Variants in ANO7 observed in about 807,000 individuals in gnomAD.
ANO7 encodes the protein anoctamin-7.
ANO7 carries 114 observed loss-of-function variants against 115.8 expected under a neutral mutation model. The observed-to-expected ratio is 0.98, with a 90% confidence interval of 0.85 to 1.15. The LOEUF is 1.15. Ranked by LOEUF, ANO7 falls within the 50% of genes most tolerant of loss-of-function variation. ANO7 has a pLI of 0.00. For missense variants in ANO7, 1,302 were observed against 1,201.2 expected (o/e 1.08, Z -1.24); for synonymous variants, 550 against 498.2 (o/e 1.10, Z -1.38).
chr2:241,218,440 C>CTCGGG, intron 21 of ANO7, 59 bp downstream of exon 21: 1 of 1,203,920 alleles, frequency 8.3e-7, no homozygotes, highest in Non-Finnish European at 1.0e-6. Flanking sequence ...CGGAGCGGGG[C>CTCGGG]TCGGGTGGGG....
chr2:241,229,420 G>A (rs888967568), downstream of ANO7: 16 of 559,388 alleles, frequency 2.9e-5, no homozygotes, highest in South Asian at 8.0e-5. Context: ...GAGCGGGCAC[G>A]GCCAGGCCTG....
At chr2:241,230,114 C>T, downstream of ANO7, 1 of 1,592,770 alleles carries the variant, frequency 6.3e-7, no homozygotes, top group Non-Finnish European at 8.6e-7. The surrounding 1 kb of genome is among the most constrained non-coding windows in gnomAD (Gnocchi z 5.0). Flanking sequence ...GGTGGACGTG[C>T]CAGGGCGCCT....
chr2:241,188,718 A>G lies in ANO7; in HGVS notation c.-56A>G. The G allele has an allele frequency of 6.2e-7, 1 of 1,613,338 alleles. No homozygotes were observed. The highest frequency in any genetic ancestry group is 8.5e-7 in the Non-Finnish European group (1 of 1,179,830). Reference sequence around the variant, plus strand: ...TACTGCCGAGACCAGGCTCACGCTGAGAGGTGGGCCATGACCTCCGAGACC... The same window carrying G: ...TACTGCCGAGACCAGGCTCACGCTGGGAGGTGGGCCATGACCTCCGAGACC... On this transcript the variant is annotated 5_prime_UTR_variant, in exon 1 of 25. Transcript: ENST00000674324. The surrounding 1 kb of genome is among the most constrained non-coding windows in gnomAD (Gnocchi z 4.3).
Position 241,223,952 on chromosome 2 carries a change from A to C in ANO7, c.2580A>C (p.Ser860=), listed in dbSNP as rs1469111189. 6.4e-7 allele frequency: 1 copy of C among 1,562,440 alleles called. No individual in the cohort carries two copies. The highest frequency in any genetic ancestry group is 8.5e-7 in the Non-Finnish European group (1 of 1,177,280). The change falls in exon 24 of 25, where the codon TCA becomes TCC. Residue 860 remains serine, a synonymous_variant. Transcript: ENST00000674324. ...NGTKDEQPEG[S]ELSSHWTPFT... Reference sequence around the variant, plus strand: ...CAAAGGATGAGCAGCCCGAGGGCTCAGAGGCAAGTCTGGGAGCAGCCAGGC... The same window carrying C: ...CAAAGGATGAGCAGCCCGAGGGCTCCGAGGCAAGTCTGGGAGCAGCCAGGC...
Position 241,188,852 on chromosome 2 carries a change from G to C in ANO7, c.-8+86G>C. 1 of 1,515,064 alleles carries C rather than the reference G, an allele frequency of 6.6e-7. No individual in the cohort carries two copies. The highest frequency in any genetic ancestry group is 8.9e-7 in the Non-Finnish European group (1 of 1,126,436). The allele number at this position is 1,515,064 out of a possible 1,614,324, so 93.9% of individuals were successfully genotyped here. A position where few individuals can be genotyped will look rare whatever the true frequency, so the allele number is the denominator to read the frequency against. ...AGGCAGGGCGGCACCCCAGCCCACCGGGACTTTCACACACCCTGGCCTGTG... is the reference window on the plus strand; with the variant it reads ...AGGCAGGGCGGCACCCCAGCCCACCCGGACTTTCACACACCCTGGCCTGTG... On this transcript the variant is annotated intron_variant, in intron 1 of 24. Transcript: ENST00000674324. This position sits in a 1 kb window ranked among gnomAD's most constrained non-coding sequence, Gnocchi z 4.3.
Position 241,210,456 on chromosome 2 carries a change from G to A in ANO7, c.1459-12G>A. ...GCCCCTCATCCGGCTCTGACGGCCT[G>A]TCTCCCGTTAGGCCTCTCGCATCGC... is the stretch of plus-strand genomic sequence containing the variant. On this transcript the variant is annotated splice_polypyrimidine_tract_variant and intron_variant, in intron 14 of 24. Transcript: ENST00000674324. 1 of 1,613,832 alleles carries A rather than the reference G, an allele frequency of 6.2e-7. No homozygotes were observed.
chr2:241,207,709 C>T (rs375039467), intron 11 of ANO7, 39 bp downstream of exon 11: 14 of 1,588,862 alleles, frequency 8.8e-6, no homozygotes, highest in East Asian at 4.5e-5. Context: ...ATTTGAGAGT[C>T]GGGGATGAGG....
chr2:241,240,197 T>C, the ANO7 span: 3 of 1,427,708 alleles, frequency 2.1e-6, no homozygotes, highest in South Asian at 2.3e-5. The surrounding 1 kb of genome is among the most constrained non-coding windows in gnomAD (Gnocchi z 5.5). Flanking sequence ...AGAGGGTCTG[T>C]AGGACAGCAA....
In ANO7 at chr2:241,203,524, A is replaced by G. The variant is rs567067900; in HGVS notation, c.889+26A>G. ...GTGAGTCCCCCCCGCTGCCCCCCAG[A>G]CCACCTGGGCCCCCCCAGCTTGGTG... On this transcript the variant is annotated intron_variant, in intron 9 of 24. Transcript: ENST00000674324. The surrounding 1 kb of genome is among the most constrained non-coding windows in gnomAD (Gnocchi z 4.8). The G allele has an allele frequency of 7.0e-7, 1 of 1,422,114 alleles. No individual in the cohort carries two copies. Among genetic ancestry groups the G allele is most frequent in the Non-Finnish European group, 9.3e-7 (1 of 1,079,324 alleles). The allele number at this position is 1,422,114 out of a possible 1,614,324, so 88.1% of individuals were successfully genotyped here.
the ANO7 span, among the ~76,000 whole-genome samples, chr2:241,239,076 C>T: frequency 6.6e-6 from 1 of 152,084 alleles, no homozygotes; most frequent in Admixed American, 6.5e-5. This position sits in a 1 kb window ranked among gnomAD's most constrained non-coding sequence, Gnocchi z 4.6. Context: ...CCTCTGACTC[C>T]ATGAGGAGGC....
At chr2:241,209,176 G>A (rs893713768) in intron 11 of ANO7, 109 bp from the exon 12 acceptor site, 20 of 1,281,796 alleles carry the variant, frequency 1.6e-5, no homozygotes, top group East Asian at 1.0e-4. Flanking sequence ...ATACACAGTC[G>A]GGGGATGTGT....
chr2:241,231,961 G>A, the ANO7 span, among the ~76,000 whole-genome samples: 5 of 151,972 alleles, frequency 3.3e-5, no homozygotes, highest in African/African-American at 4.8e-5. Context: ...CCATCATCAC[G>A]CAACAGGACT....
chr2:241,195,977 C>T (rs367754585), intron 4 of ANO7, 132 bp downstream of exon 4: 13 of 1,557,918 alleles, frequency 8.3e-6, no homozygotes, highest in Non-Finnish European at 1.1e-5. Context: ...TCCTGCTGGA[C>T]CCCCCAGCCA....
chr2:241,235,007 T>C, the ANO7 span: 1 of 1,324,702 alleles, frequency 7.5e-7, no homozygotes, highest in Admixed American at 2.0e-5. Flanking sequence ...GCATCTCACC[T>C]CCAGCCAGAT....
the ANO7 span, chr2:241,235,022 C>G: frequency 6.3e-4 from 908 of 1,440,860 alleles, 5 homozygotes; most frequent in African/African-American, 0.011. Context: ...CCAGATGTCG[C>G]TGGGATGCTG....
intron 4 of ANO7, among the ~76,000 whole-genome samples, chr2:241,198,185 C>T (rs957716109): frequency 1.3e-5 from 2 of 152,192 alleles, no homozygotes; most frequent in Non-Finnish European, 2.9e-5. Context: ...ACGTTGCCTA[C>T]TCCTTGTCCA....
the ANO7 span, chr2:241,231,080 A>T: frequency 8.1e-6 from 6 of 741,554 alleles, no homozygotes; most frequent in South Asian, 1.1e-4. Flanking sequence ...ATTTAAAACA[A>T]GAGGTTAACA....
chr2:241,229,978 G>A (rs758010521), downstream of ANO7: 1 of 1,587,480 alleles, frequency 6.3e-7, no homozygotes, highest in South Asian at 1.2e-5. Flanking sequence ...GCAGAAGACA[G>A]GAAGACAGGG....
chr2:241,236,932 A>G, the ANO7 span, among the ~76,000 whole-genome samples: 1 of 141,886 alleles, frequency 7.0e-6, no homozygotes, highest in Non-Finnish European at 1.5e-5. Context: ...CAGGGAGAGC[A>G]GATAGGACGT....
Sources: gnomAD v4.1 joint callset for allele counts (sites outside exome capture counted in the v4.1 genomes callset) on GRCh38, gnomAD v4.1.1 for gene constraint, Gnocchi (gnomAD v3.1) non-coding constraint, MANE v1.5 for transcripts, NCBI Gene and HGNC (gene_info 2026-07-23, HGNC 2026-07-21) for gene names.